Variants in GTF2A1L observed in about 807,000 individuals in gnomAD.
GTF2A1L encodes general transcription factor IIA subunit 1 like.
GTF2A1L carries 48 observed loss-of-function variants against 49.7 expected under a neutral mutation model. That is an observed-to-expected ratio of 0.97 (90% CI 0.77 to 1.23). The LOEUF (loss-of-function observed/expected upper bound fraction) is 1.23, where lower values mean the gene tolerates loss of function less well. Ranked by LOEUF, GTF2A1L falls within the 50% of genes most tolerant of loss-of-function variation. The probability of loss-of-function intolerance (pLI) is 0.00; values close to 1 mark genes in which losing one functional copy is unlikely to be tolerated. For missense variants in GTF2A1L, 736 were observed against 564.8 expected, an observed-to-expected ratio of 1.30 and a Z score of -3.07; for synonymous variants, 246 against 193.5, an observed-to-expected ratio of 1.27 and a Z score of -2.25.
At chr2:48,654,837 T>C (rs1199038350) in intron 6 of GTF2A1L, among the ~76,000 whole-genome samples, 1 of 152,240 alleles carries the variant, frequency 6.6e-6, no homozygotes, top group Admixed American at 6.5e-5. Context: ...GGTTTATTAC[T>C]GAAGGTTCAC....
At chr2:48,644,422 A>T (rs1166712054) in intron 4 of GTF2A1L, among the ~76,000 whole-genome samples, 1 of 152,220 alleles carries the variant, frequency 6.6e-6, no homozygotes, top group Non-Finnish European at 1.5e-5. Flanking sequence ...GATGCAGCAC[A>T]GTTTAATTAA....
chr2:48,652,151 C>G (rs1231741023), intron 6 of GTF2A1L, among the ~76,000 whole-genome samples: 4 of 152,114 alleles, frequency 2.6e-5, no homozygotes, highest in Non-Finnish European at 5.9e-5. Context: ...GAGGGCCTCA[C>G]TGATTGAAGG....
intron 6 of GTF2A1L, among the ~76,000 whole-genome samples, chr2:48,661,361 C>G (rs1407269253): frequency 1.5e-5 from 2 of 136,866 alleles, no homozygotes; most frequent in Non-Finnish European, 3.0e-5. Context: ...TCAGGTGATT[C>G]TCCTGCCTCA....
intron 6 of GTF2A1L, among the ~76,000 whole-genome samples, chr2:48,663,086 G>A (rs987097839): frequency 6.6e-6 from 1 of 151,988 alleles, no homozygotes; most frequent in Non-Finnish European, 1.5e-5. Flanking sequence ...AAAGAGAGAG[G>A]TTTATTTAGG....
At chr2:48,657,962 TG>T (rs1678273340) in intron 6 of GTF2A1L, among the ~76,000 whole-genome samples, 2 of 152,172 alleles carry the variant, frequency 1.3e-5, no homozygotes, top group Admixed American at 1.3e-4. Context: ...ATTTGATTTT[TG>T]CTTGTTGAAT....
At chr2:48,618,101 C>T (rs1675766432) in intron 1 of GTF2A1L, 2 of 551,286 alleles carry the variant, frequency 3.6e-6, no homozygotes, top group Non-Finnish European at 6.4e-6. Flanking sequence ...TGGGCCAGCC[C>T]CGCCAAAAGA....
chr2:48,657,317 C>A (rs967408088), intron 6 of GTF2A1L, among the ~76,000 whole-genome samples: 3 of 152,084 alleles, frequency 2.0e-5, no homozygotes, highest in African/African-American at 7.2e-5. Flanking sequence ...CCGTATGTGC[C>A]CAATATTTAG....
chr2:48,678,681 C>G (rs1315141493), intron 8 of GTF2A1L, among the ~76,000 whole-genome samples: 1 of 152,038 alleles, frequency 6.6e-6, no homozygotes, highest in Non-Finnish European at 1.5e-5. Flanking sequence ...AAACAGCCAG[C>G]AGAGTCTTAC....
At chr2:48,631,459 G>A (rs1393004910) in intron 3 of GTF2A1L, among the ~76,000 whole-genome samples, 1 of 152,008 alleles carries the variant, frequency 6.6e-6, no homozygotes, top group Non-Finnish European at 1.5e-5. Context: ...TCTGTGATTG[G>A]TTGTAATGTC....
chr2:48,646,342 G>C (rs1174726888), intron 5 of GTF2A1L, 111 bp from the exon 6 acceptor site: 2 of 939,256 alleles, frequency 2.1e-6, no homozygotes, highest in Non-Finnish European at 3.0e-6. Context: ...TTAACATATT[G>C]GTGTATTTTT....
At chr2:48,674,394 A>G (rs1311034906) in intron 8 of GTF2A1L, among the ~76,000 whole-genome samples, 3 of 152,050 alleles carry the variant, frequency 2.0e-5, no homozygotes, top group Non-Finnish European at 2.9e-5. Context: ...TCCAGTCACA[A>G]TTTGAATATA....
At chr2:48,632,578 T>G (rs1238888926) in intron 3 of GTF2A1L, 1 of 153,196 alleles carries the variant, frequency 6.5e-6, no homozygotes, top group Non-Finnish European at 1.5e-5. Context: ...AGATGGTGTT[T>G]CACCATATTG....
At chr2:48,662,828 A>G (rs77146349) in intron 6 of GTF2A1L, among the ~76,000 whole-genome samples, 10,000 of 152,094 alleles carry the variant, frequency 0.066, 440 homozygotes, top group South Asian at 0.22. Context: ...TCCAACTACC[A>G]CATGTTCTCA....
intron 3 of GTF2A1L, among the ~76,000 whole-genome samples, chr2:48,625,668 G>A (rs1365076888): frequency 1.4e-5 from 2 of 142,622 alleles, no homozygotes; most frequent in Non-Finnish European, 1.6e-5. Context: ...CTGTAGCCTT[G>A]ACTTTCCAGG....
At chr2:48,676,803 A>G (rs947069614) in intron 8 of GTF2A1L, among the ~76,000 whole-genome samples, 1 of 151,476 alleles carries the variant, frequency 6.6e-6, no homozygotes, top group African/African-American at 2.4e-5. Flanking sequence ...TATTTCATAT[A>G]TATCTATATA....
At chr2:48,660,786 G>A (rs1476389683) in intron 6 of GTF2A1L, among the ~76,000 whole-genome samples, 1 of 151,998 alleles carries the variant, frequency 6.6e-6, no homozygotes, top group African/African-American at 2.4e-5. Context: ...GATTGCAGGT[G>A]TGCTCTACTA....
At chr2:48,622,578 G>C (rs1486334502) in intron 3 of GTF2A1L, among the ~76,000 whole-genome samples, 1 of 152,104 alleles carries the variant, frequency 6.6e-6, no homozygotes, top group African/African-American at 2.4e-5. Flanking sequence ...TCTTTTATCA[G>C]AAGAGGCCGA....
chr2:48,620,047 C>G (rs1675894154), intron 1 of GTF2A1L, among the ~76,000 whole-genome samples: 1 of 152,144 alleles, frequency 6.6e-6, no homozygotes, highest in South Asian at 2.1e-4. Context: ...TTTAATTGCT[C>G]TATTTTAAGT....
In GTF2A1L at chr2:48,628,871, C is replaced by G. The variant is rs1676431807; in HGVS notation, c.247+7581C>G. Among the ~76,000 whole-genome samples the G allele has an allele frequency of 1.4e-5, 2 of 143,876 alleles. 1 individual carries two copies. The highest frequency in any genetic ancestry group is 3.1e-5 in the Non-Finnish European group (2 of 63,918). 94.4% of individuals were successfully genotyped at this position (143,876 alleles called of 152,430 possible). On this transcript the variant is annotated intron_variant, in intron 3 of 8. Transcript: ENST00000403751. ...AGGTCTTACATTTAGAACTTTAACC[C>G]ATCTTTGTAACTGAATGCAAGTTCA...
Sources: allele counts gnomAD v4.1 joint callset (sites outside exome capture counted in the v4.1 genomes callset), GRCh38; gene constraint gnomAD v4.1.1; transcripts MANE v1.5; gene names NCBI Gene and HGNC (gene_info 2026-07-23, HGNC 2026-07-21).